Variants in MYO1F observed in about 807,000 individuals in gnomAD.
MYO1F encodes the protein unconventional myosin-If.
In MYO1F, 60 loss-of-function variants were observed where a neutral mutation model predicts 146.6. The ratio of observed to expected loss-of-function variants is 0.41; its 90% CI spans 0.33 to 0.51. The LOEUF (loss-of-function observed/expected upper bound fraction) is 0.51. Ranked by LOEUF, MYO1F falls within the 20% of genes least tolerant of loss-of-function variation. The probability of loss-of-function intolerance (pLI) is 0.25; values close to 1 mark genes in which losing one functional copy is unlikely to be tolerated. For missense variants in MYO1F, 1,274 were observed against 1,534.3 expected (o/e 0.83, Z 2.83); for synonymous variants, 602 against 602.1 (o/e 1.00, Z 0.00).
rs759625300 is a variant in MYO1F, at chr19:8,521,505, A to T, written c.*23T>A. ...GCAGGCAGATAGGCGGGCGAAAGAGAAGGCAGTATCCCAGGGCCCAGCTCA... is the reference window on the plus strand; with the variant it reads ...GCAGGCAGATAGGCGGGCGAAAGAGTAGGCAGTATCCCAGGGCCCAGCTCA... On this transcript the variant is annotated 3_prime_UTR_variant, in exon 28 of 28. Transcript: ENST00000644032. The T allele has an allele frequency of 1.1e-5, 18 of 1,610,410 alleles. No homozygotes were observed. The highest frequency in any genetic ancestry group is 1.3e-5 in the Non-Finnish European group (15 of 1,178,306).
chr19:8,532,155 CAA>C (rs762394192), intron 19 of MYO1F, among the ~76,000 whole-genome samples: 1 of 138,272 alleles, frequency 7.2e-6, no homozygotes. Flanking sequence ...AACTCCATCT[CAA>C]AAAAAAAAAG....
intron 1 of MYO1F, among the ~76,000 whole-genome samples, chr19:8,564,305 C>T (rs1416600617): frequency 1.3e-5 from 2 of 152,068 alleles, no homozygotes; most frequent in Admixed American, 6.6e-5. Context: ...CGCTTGAACC[C>T]AGGAGGCAGA....
At chr19:8,551,061 AT>A (rs374569323) in intron 8 of MYO1F, among the ~76,000 whole-genome samples, 22,441 of 125,922 alleles carry the variant, frequency 0.18, 3,603 homozygotes, top group African/African-American at 0.45. Flanking sequence ...TTGGTTTCCT[AT>A]TTTTTTTTTT....
Position 8,550,142 on chromosome 19 carries a change from A to G in MYO1F, c.1101+18T>C, listed in dbSNP as rs780330235. The G allele has an allele frequency of 2.2e-5, 36 of 1,612,834 alleles. No individual in the cohort carries two copies. Among genetic ancestry groups the G allele is most frequent in the Non-Finnish European group, 3.0e-5 (35 of 1,179,938 alleles). Reference sequence around the variant, plus strand: ...CCCCAGAGCATCCACTCTGCCTTCCAGCCCCAGCCCCACTCGCCTCCACGA... The same window carrying G: ...CCCCAGAGCATCCACTCTGCCTTCCGGCCCCAGCCCCACTCGCCTCCACGA... On this transcript the variant is annotated intron_variant, in intron 10 of 27. Coordinates refer to ENST00000644032, the MANE Select transcript of MYO1F (RefSeq NM_012335.4).
intron 1 of MYO1F, among the ~76,000 whole-genome samples, chr19:8,574,719 C>CTCTT (rs569259997): frequency 1.5e-5 from 2 of 131,438 alleles, no homozygotes; most frequent in African/African-American, 5.6e-5. Context: ...CTTTTTCTTT[C>CTCTT]TCTTTCTTTC....
Position 8,552,088 on chromosome 19 carries a change from T to C in MYO1F, c.581A>G (p.Lys194Arg). 6.2e-7 allele frequency: 1 copy of C among 1,614,080 alleles called. No homozygotes were observed. Among genetic ancestry groups the C allele is most frequent in the Non-Finnish European group, 8.5e-7 (1 of 1,180,016 alleles). ...TTCATTTTGCATGACCACGCGGGAC[T>C]TCTCCAGCAAGAAGTTGGAGATCTT... The part of the protein sequence containing the change: ...GGKISNFLLE[K>R]SRVVMQNENE... The change falls in exon 7 of 28, where the codon AAG becomes AGG. Residue 194 changes from lysine (K) to arginine (R), a missense_variant. Transcript: ENST00000644032.
At chr19:8,524,118 C>CAAAAA (rs746455069) in intron 25 of MYO1F, among the ~76,000 whole-genome samples, 7 of 45,992 alleles carry the variant, frequency 1.5e-4, no homozygotes, top group East Asian at 6.9e-4. Flanking sequence ...GACACCGTCT[C>CAAAAA]AAAAAAAAAA....
chr19:8,525,782 T>G (rs538460019), intron 24 of MYO1F, among the ~76,000 whole-genome samples: 4 of 152,186 alleles, frequency 2.6e-5, no homozygotes, highest in African/African-American at 2.4e-5. Flanking sequence ...CCGCCCACTT[T>G]AGGTCACTCC....
At chr19:8,563,294 C>CTT (rs938198498) in intron 1 of MYO1F, among the ~76,000 whole-genome samples, 63 of 118,600 alleles carry the variant, frequency 5.3e-4, no homozygotes, top group African/African-American at 8.7e-4. Context: ...TGCTTGGCCA[C>CTT]TTTTTTTTTT....
rs142817836 is a variant in MYO1F at position 8,529,941 on chromosome 19, C to G, written c.2328+255G>C. The G allele has an allele frequency of 4.7e-5, 29 of 613,562 alleles. No homozygotes were observed. In the East Asian group the frequency reaches 7.9e-4, roughly 17 times the overall value. 38.0% of individuals were successfully genotyped at this position (613,562 alleles called of 1,614,324 possible). ...TATACCTGTGATGGAACAGATGGAT[C>G]TAGGCTGGGGGATAGATACCTATGG... On this transcript the variant is annotated intron_variant, in intron 21 of 27. Coordinates refer to ENST00000644032, the MANE Select transcript of MYO1F (RefSeq NM_012335.4).
intron 24 of MYO1F, 106 bp downstream of exon 24, chr19:8,526,347 A>T: frequency 7.2e-7 from 1 of 1,397,926 alleles, no homozygotes; most frequent in Non-Finnish European, 9.6e-7. Flanking sequence ...CAAAACTCAA[A>T]AGTCTCTCTC....
At chr19:8,526,426 C>T (rs1369851055) in intron 24 of MYO1F, 27 bp downstream of exon 24, 1 of 1,549,950 alleles carries the variant, frequency 6.5e-7, no homozygotes, top group Admixed American at 2.0e-5. Flanking sequence ...GCCCCGCCCC[C>T]TCTGCCCTAG....
intron 16 of MYO1F, among the ~76,000 whole-genome samples, chr19:8,539,143 G>A (rs562311599): frequency 5.9e-5 from 9 of 151,628 alleles, no homozygotes; most frequent in East Asian, 1.9e-4. Flanking sequence ...GGCCGAGCGC[G>A]GTGGCTCACA....
In MYO1F at chr19:8,555,761, G is replaced by A. The variant is rs369911550; in HGVS notation, c.39C>T (p.Asn13=). 24 of 1,613,830 alleles carry A rather than the reference G, an allele frequency of 1.5e-5. No homozygotes were observed. The highest frequency in any genetic ancestry group is 1.3e-4 in the African/African-American group (10 of 74,918). ...SKERFHWQSH[N]VKQSGVDDMV... ...TGTCATCCACGCCGCTCTGCTTCAC[G>A]TTGTGGCTCTGCCAGTGGAAGCGCT... Residue 13 remains asparagine (N), a synonymous_variant, in exon 2 of 28, where the codon AAC becomes AAT. Transcript: ENST00000644032.
rs1555734057 is a variant in MYO1F, at chr19:8,577,340, G to A, written c.-31C>T. ...GGGGCTGGTGTCTGGGCTCCTGGAG[G>A]CTCCTGAATGGGTCGTGATGGAGGT... On this transcript the variant is annotated 5_prime_UTR_variant, in exon 1 of 28. Coordinates refer to ENST00000644032, the MANE Select transcript of MYO1F (RefSeq NM_012335.4). This position sits in a 1 kb window ranked among gnomAD's most constrained non-coding sequence, Gnocchi z 4.3. 1 of 1,613,872 alleles carries A rather than the reference G, an allele frequency of 6.2e-7. No homozygotes were observed. The highest frequency in any genetic ancestry group is 1.1e-5 in the South Asian group (1 of 91,034).
chr19:8,546,319 C>T (rs1309247991), intron 12 of MYO1F, among the ~76,000 whole-genome samples: 1 of 151,964 alleles, frequency 6.6e-6, no homozygotes, highest in African/African-American at 2.4e-5. Context: ...CCACCTCGGC[C>T]TCCCAAAGTG....
rs1327002544 is a variant in MYO1F at position 8,543,957 on chromosome 19, G to C, written c.1524+340C>G. The C allele has an allele frequency of 3.5e-4, 98 of 278,710 alleles. 4 individuals are homozygous for C. Among genetic ancestry groups the C allele is most frequent in the East Asian group, 5.5e-4 (5 of 9,156 alleles). 17.3% of individuals were successfully genotyped at this position (278,710 alleles called of 1,614,324 possible). On this transcript the variant is annotated intron_variant, in intron 14 of 27. Transcript: ENST00000644032. Reference sequence around the variant, plus strand: ...GGTGGTGCTGGTGGTGCTGGTGGTGGTGGTGGTGGTGGTGCTGGTGCTGGT... The same window carrying C: ...GGTGGTGCTGGTGGTGCTGGTGGTGCTGGTGGTGGTGGTGCTGGTGCTGGT...
chr19:8,552,214 G>A (rs377040493), intron 6 of MYO1F, 50 bp from the exon 7 acceptor site: 50 of 1,609,474 alleles, frequency 3.1e-5, no homozygotes, highest in Non-Finnish European at 4.2e-5. Flanking sequence ...GGGTGCAGGT[G>A]GGGGAAGGGT....
rs1257314231 is a variant in MYO1F, at chr19:8,545,652, G to A, written c.1354C>T (p.Leu452=). The change falls in exon 13 of 28, where the codon CTG becomes TTG. Residue 452 remains leucine (L), a splice_region_variant and synonymous_variant. Transcript: ENST00000644032. The part of the protein sequence containing the change: ...KVVCDLIENK[L]SPPGIMSVLD... ...GCCAAAGTTGACCCAGCCCTCACCA[G>A]CTTGTTTTCGATGAGGTCACAGACG... 6.2e-6 allele frequency: 10 copies of A among 1,613,568 alleles called. No individual in the cohort carries two copies. In the South Asian group the frequency reaches 8.8e-5, roughly 14 times the overall value.
Sources: gnomAD v4.1 joint callset for allele counts (sites outside exome capture counted in the v4.1 genomes callset) on GRCh38, gnomAD v4.1.1 for gene constraint, Gnocchi (gnomAD v3.1) non-coding constraint, MANE v1.5 for transcripts, NCBI Gene and HGNC (gene_info 2026-07-23, HGNC 2026-07-21) for gene names.